The following ANO5 variants were observed in gnomAD, a reference collection of about 807,000 sequenced individuals.
ANO5 encodes the protein anoctamin 5.
ANO5 carries 109 observed loss-of-function variants against 121.0 expected under a neutral mutation model. That is an observed-to-expected ratio of 0.90 (90% CI 0.77 to 1.06). The LOEUF (loss-of-function observed/expected upper bound fraction) is 1.06, where lower values mean the gene tolerates loss of function less well. Among genes scored for constraint, ANO5 ranks in the 50% least tolerant of loss-of-function variants. ANO5 has a pLI of 0.00. For missense variants in ANO5, 1,064 were observed against 1,078.5 expected (o/e 0.99, Z 0.19); for synonymous variants, 406 against 359.9 (o/e 1.13, Z -1.45).
chr11:22,220,322 A>G (rs1392802158), intron 4 of ANO5, among the ~76,000 whole-genome samples: 2 of 152,034 alleles, frequency 1.3e-5, no homozygotes. Context: ...TTAGATATAA[A>G]CTTTAAATAA....
intron 7 of ANO5, among the ~76,000 whole-genome samples, chr11:22,235,792 C>A (rs1341037617): frequency 6.6e-6 from 1 of 152,110 alleles, no homozygotes; most frequent in Non-Finnish European, 1.5e-5. Context: ...GGATAAATAT[C>A]AATTCTACTC....
In ANO5 at chr11:22,279,828, C is replaced by T. The variant is rs1389076123; in HGVS notation, c.*63C>T. On this transcript the variant is annotated 3_prime_UTR_variant, in exon 22 of 22. Coordinates refer to ENST00000324559, the MANE Select transcript of ANO5 (RefSeq NM_213599.3). ...TTCACTTTATCCTCTGGTTTTAGGG[C>T]CAGACGCCAGAAGCCATGTGTCAAT... is the stretch of plus-strand genomic sequence containing the variant. The T allele has an allele frequency of 4.4e-6, 6 of 1,361,378 alleles. No homozygotes were observed. Among genetic ancestry groups the T allele is most frequent in the Non-Finnish European group, 6.2e-6 (6 of 964,458 alleles). The allele number at this position is 1,361,378 out of a possible 1,614,324, so 84.3% of individuals were successfully genotyped here. A position where few individuals can be genotyped will look rare whatever the true frequency, so the allele number is the denominator to read the frequency against.
chr11:22,262,870 A>C (rs1854235964), intron 16 of ANO5, 76 bp from the exon 17 acceptor site: 5 of 1,095,994 alleles, frequency 4.6e-6, no homozygotes, highest in Non-Finnish European at 7.0e-6. Flanking sequence ...TTTATAGTTT[A>C]GGGTTTCCTT....
At chr11:22,262,355 T>C in intron 16 of ANO5, 57 bp downstream of exon 16, 1 of 1,569,372 alleles carries the variant, frequency 6.4e-7, no homozygotes, top group South Asian at 1.1e-5. Flanking sequence ...TATTAACAAC[T>C]TTCTGTGTGT....
chr11:22,224,381 A>C lies in ANO5; in HGVS notation c.295-1603A>C, dbSNP rs569770046. On this transcript the variant is annotated intron_variant, in intron 5 of 21. Transcript: ENST00000324559. The stretch of plus-strand genomic sequence containing the variant: ...AAGGTACTGGCATAACAACAGACAC[A>C]CAGGCCAATGAAATAGAATAGAGAA... 2.6e-5 allele frequency among the ~76,000 whole-genome samples: 4 copies of C among 152,256 alleles called. No homozygotes were observed. The East Asian group carries it at 7.7e-4, about 29-fold the overall frequency.
In ANO5 at chr11:22,279,642, C is replaced by A; in HGVS notation, c.2619C>A (p.Ile873=). Residue 873 remains isoleucine (I), a synonymous_variant, in exon 22 of 22, where the codon ATC becomes ATA. Coordinates refer to ENST00000324559, the MANE Select transcript of ANO5 (RefSeq NM_213599.3). ...TCAAGAGAGAAAAGTTAATGACTAT[C>A]AAGATTCTCCATGATTTTGAGCTCA... The part of the protein sequence containing the change: ...ERIKREKLMT[I]KILHDFELNK... 6.2e-7 allele frequency: 1 copy of A among 1,612,792 alleles called. No homozygotes were observed. The highest frequency in any genetic ancestry group is 8.5e-7 in the Non-Finnish European group (1 of 1,179,080).
chr11:22,275,971 G>T, intron 20 of ANO5, 123 bp from the exon 21 acceptor site: 1 of 694,852 alleles, frequency 1.4e-6, no homozygotes, highest in Non-Finnish European at 2.5e-6. Flanking sequence ...AGTTAACTTT[G>T]ACCTGATTTT....
At position 22,274,687 on chromosome 11, in the gene ANO5, T is replaced by G. The variant is rs146136277; in HGVS notation, c.2354T>G (p.Leu785Arg). 8.3e-4 allele frequency: 1,346 copies of G among 1,613,688 alleles called. 13 individuals carry two copies. The African/African-American group carries it at 0.016, about 19-fold the overall frequency. ...GYVNNSLSVF[L>R]IADFPNHTAP... ...GTGAATAATAGCCTGTCAGTATTCC[T>G]GATAGCTGATTTTCCAAACCACACT... is the stretch of plus-strand genomic sequence containing the variant. Residue 785 changes from leucine to arginine, a missense_variant, in exon 20 of 22, where the codon CTG becomes CGG. Coordinates refer to ENST00000324559, the MANE Select transcript of ANO5 (RefSeq NM_213599.3).
In ANO5 at chr11:22,260,945, A is replaced by G. The variant is rs185718209; in HGVS notation, c.1631-1184A>G. Among the ~76,000 whole-genome samples, 90 of 152,326 alleles carry G rather than the reference A, an allele frequency of 5.9e-4. No individual in the cohort carries two copies. In the East Asian group the frequency reaches 0.014, roughly 23 times the overall value. On this transcript the variant is annotated intron_variant, in intron 15 of 21. Transcript: ENST00000324559. The stretch of plus-strand genomic sequence containing the variant: ...TAAATAAAGGAGAGGGAAAATGTGT[A>G]TTGTTTCTGCCACTATTTGCTAATT...
intron 5 of ANO5, among the ~76,000 whole-genome samples, chr11:22,221,551 G>A (rs1280982814): frequency 6.6e-6 from 1 of 151,956 alleles, no homozygotes; most frequent in Non-Finnish European, 1.5e-5. Flanking sequence ...TTTTGGAAAT[G>A]TATGACTAAT....
chr11:22,193,624 G>A (rs1003409632), intron 1 of ANO5, 92 bp downstream of exon 1: 13 of 1,481,892 alleles, frequency 8.8e-6, no homozygotes, highest in African/African-American at 1.4e-5. Context: ...GACGTTGGCG[G>A]CCCTGCGGCC....
In ANO5 at chr11:22,281,419, T is replaced by C. The variant is rs1253268813; in HGVS notation, c.*1654T>C. ...ACTGGGACTAATCCCCAGTACTGATTTGTCATCCACTGAGTAGACTTTATG... is the reference window on the plus strand; with the variant it reads ...ACTGGGACTAATCCCCAGTACTGATCTGTCATCCACTGAGTAGACTTTATG... On this transcript the variant is annotated 3_prime_UTR_variant, in exon 22 of 22. Transcript: ENST00000324559. 6.6e-6 allele frequency: 1 copy of C among 152,088 alleles called. No homozygotes were observed. The highest frequency in any genetic ancestry group is 1.5e-5 in the Non-Finnish European group (1 of 67,928). 9.4% of individuals were successfully genotyped at this position (152,088 alleles called of 1,614,324 possible).
At chr11:22,217,700 G>A (rs1852493381) in intron 3 of ANO5, among the ~76,000 whole-genome samples, 2 of 151,850 alleles carry the variant, frequency 1.3e-5, no homozygotes, top group Admixed American at 1.3e-4. Context: ...AATACTGCAT[G>A]TTCTCACTGA....
At chr11:22,271,855 ACTTCCT>A (rs1347233577) in intron 18 of ANO5, among the ~76,000 whole-genome samples, 1 of 152,178 alleles carries the variant, frequency 6.6e-6, no homozygotes, top group Non-Finnish European at 1.5e-5. Flanking sequence ...TCTACATAAT[ACTTCCT>A]CTTCATTTTC....
At chr11:22,269,571 GA>G (rs1228975968) in intron 17 of ANO5, among the ~76,000 whole-genome samples, 3 of 146,356 alleles carry the variant, frequency 2.0e-5, no homozygotes, top group Admixed American at 6.7e-5. Flanking sequence ...GAAAAGGAAA[GA>G]AAAAAAGAAA....
In ANO5 at chr11:22,279,833, C is replaced by A. The variant is rs542423260; in HGVS notation, c.*68C>A. 20 of 1,313,362 alleles carry A rather than the reference C, an allele frequency of 1.5e-5. No homozygotes were observed. In the South Asian group the frequency reaches 2.1e-4, roughly 14 times the overall value. 81.4% of individuals were successfully genotyped at this position (1,313,362 alleles called of 1,614,324 possible). ...TTTATCCTCTGGTTTTAGGGCCAGACGCCAGAAGCCATGTGTCAATTTTAC... is the reference window on the plus strand; with the variant it reads ...TTTATCCTCTGGTTTTAGGGCCAGAAGCCAGAAGCCATGTGTCAATTTTAC... On this transcript the variant is annotated 3_prime_UTR_variant, in exon 22 of 22. Transcript: ENST00000324559.
chr11:22,250,143 A>C, intron 9 of ANO5, 94 bp from the exon 10 acceptor site: 1 of 1,249,102 alleles, frequency 8.0e-7, no homozygotes, highest in Non-Finnish European at 1.1e-6. Context: ...CAGTGGAGCC[A>C]AAATTAGAAT....
At chr11:22,273,920 A>G (rs918698421) in intron 19 of ANO5, among the ~76,000 whole-genome samples, 2 of 151,966 alleles carry the variant, frequency 1.3e-5, no homozygotes, top group African/African-American at 4.8e-5. Flanking sequence ...ACCATTAGCC[A>G]TAGAAGTTAC....
chr11:22,259,784 T>C (rs1854133318), intron 15 of ANO5, 43 bp downstream of exon 15: 2 of 1,536,166 alleles, frequency 1.3e-6, no homozygotes, highest in East Asian at 4.5e-5. Context: ...AGAATGATTC[T>C]TATTGATGCT....
Sources: gnomAD v4.1 joint callset for allele counts (sites outside exome capture counted in the v4.1 genomes callset) on GRCh38, gnomAD v4.1.1 for gene constraint, MANE v1.5 for transcripts, NCBI Gene and HGNC (gene_info 2026-07-23, HGNC 2026-07-21) for gene names.